The following NTF3 variants were observed in gnomAD, a reference collection of about 807,000 sequenced individuals.
NTF3 encodes the protein neurotrophin 3, also known as neurotrophin-3.
A neutral mutation model predicts 26.3 loss-of-function variants in NTF3; 8 were observed. The observed-to-expected ratio is 0.30, with a 90% confidence interval of 0.18 to 0.55. The LOEUF is 0.55. Among genes scored for constraint, NTF3 ranks in the 20% least tolerant of loss-of-function variants. The pLI is 0.93. For missense variants in NTF3, 276 were observed against 352.9 expected, an observed-to-expected ratio of 0.78 and a Z score of 1.75; for synonymous variants, 154 against 145.5, an observed-to-expected ratio of 1.06 and a Z score of -0.42.
chr12:5,481,681 G>C (rs1219114870), intron 1 of NTF3, among the ~76,000 whole-genome samples: 1 of 110,952 alleles, frequency 9.0e-6, no homozygotes, highest in African/African-American at 3.5e-5. Flanking sequence ...CACATGTATA[G>C]ACATACACCA....
chr12:5,478,481 G>A (rs1024292812), intron 1 of NTF3, among the ~76,000 whole-genome samples: 60 of 152,060 alleles, frequency 3.9e-4, no homozygotes, highest in African/African-American at 1.3e-3. Context: ...AGGGATCCCC[G>A]CCCCAGCAGC....
chr12:5,486,536 TG>T (rs555265383), intron 1 of NTF3, among the ~76,000 whole-genome samples: 86 of 152,334 alleles, frequency 5.6e-4, no homozygotes, highest in African/African-American at 2.0e-3. Context: ...CACTTACAGT[TG>T]TATAGCATTT....
rs1420988569 is a variant in NTF3 at position 5,432,573 on chromosome 12, ACACACAC to A, written c.18+232_18+238del. On this transcript the variant is annotated intron_variant, in intron 1 of 1. Coordinates refer to ENST00000423158, the MANE Select transcript of NTF3 (RefSeq NM_001102654.2). ...CACCCCGCTACACACACACACACAC[ACACACAC>A]ACACACACACACACACACACACACA... 1.8e-4 allele frequency among the ~76,000 whole-genome samples: 26 copies of A among 147,266 alleles called. No homozygotes were observed. The East Asian group carries it at 4.0e-3, about 23-fold the overall frequency.
chr12:5,459,023 G>A (rs193142880), intron 1 of NTF3, among the ~76,000 whole-genome samples: 55 of 152,300 alleles, frequency 3.6e-4, no homozygotes, highest in African/African-American at 1.3e-3. Context: ...CTAGAACTGG[G>A]GGCCGGGCAG....
At chr12:5,477,403 A>C (rs1041977746) in intron 1 of NTF3, among the ~76,000 whole-genome samples, 21 of 152,248 alleles carry the variant, frequency 1.4e-4, no homozygotes, top group African/African-American at 5.1e-4. Context: ...TCATTTGGCT[A>C]TAAAACCTAA....
At chr12:5,445,164 A>G (rs148466662) in intron 1 of NTF3, among the ~76,000 whole-genome samples, 200 of 152,294 alleles carry the variant, frequency 1.3e-3, no homozygotes, top group African/African-American at 4.6e-3. Context: ...GGCTGCTTGC[A>G]TGGAAGACCT....
intron 1 of NTF3, among the ~76,000 whole-genome samples, chr12:5,482,159 C>T (rs56097326): frequency 0.13 from 19,938 of 152,068 alleles, 1,683 homozygotes; most frequent in Non-Finnish European, 0.19. Context: ...GTTGTGTGCT[C>T]ATGCGTACAC....
chr12:5,470,011 G>A (rs1249219194), intron 1 of NTF3, among the ~76,000 whole-genome samples: 3 of 152,104 alleles, frequency 2.0e-5, no homozygotes, highest in Non-Finnish European at 2.9e-5. Context: ...TGCAAGCTCC[G>A]CCTCCCGGGT....
At position 5,433,787 on chromosome 12, in the gene NTF3, G is replaced by C. The variant is rs1319712160; in HGVS notation, c.18+1445G>C. Among the ~76,000 whole-genome samples the C allele has an allele frequency of 6.6e-6, 1 of 151,984 alleles. No individual in the cohort carries two copies. Among genetic ancestry groups the C allele is most frequent in the African/African-American group, 2.4e-5 (1 of 41,382 alleles). Reference sequence around the variant, plus strand: ...CCCGGGAGCGCCGGGCTCAGAGCTAGAGAGCTCGGGAGACTGTGCGCCTGT... The same window carrying C: ...CCCGGGAGCGCCGGGCTCAGAGCTACAGAGCTCGGGAGACTGTGCGCCTGT... On this transcript the variant is annotated intron_variant, in intron 1 of 1. Coordinates refer to ENST00000423158, the MANE Select transcript of NTF3 (RefSeq NM_001102654.2). The surrounding 1 kb of genome is among the most constrained non-coding windows in gnomAD (Gnocchi z 4.6).
chr12:5,453,296 C>T (rs2121173340), intron 1 of NTF3, among the ~76,000 whole-genome samples: 1 of 152,302 alleles, frequency 6.6e-6, no homozygotes, highest in South Asian at 2.1e-4. Context: ...GTGTGACTTA[C>T]TGCAAAGTCT....
At chr12:5,483,280 C>T (rs553402645) in intron 1 of NTF3, among the ~76,000 whole-genome samples, 7 of 152,276 alleles carry the variant, frequency 4.6e-5, no homozygotes, top group South Asian at 2.1e-4. Flanking sequence ...CTTCACCTTT[C>T]TGTTTCGCCA....
intron 1 of NTF3, among the ~76,000 whole-genome samples, chr12:5,479,506 G>A (rs7134801): frequency 0.14 from 20,752 of 152,214 alleles, 1,755 homozygotes; most frequent in Middle Eastern, 0.19. Flanking sequence ...CCACCCTGCT[G>A]GGCTCTAGGA....
At chr12:5,484,536 C>T (rs1242819055) in intron 1 of NTF3, among the ~76,000 whole-genome samples, 1 of 152,006 alleles carries the variant, frequency 6.6e-6, no homozygotes, top group Admixed American at 6.6e-5. Context: ...TCTTTATGGG[C>T]ACATGTGTGG....
At chr12:5,439,903 C>A (rs573419019) in intron 1 of NTF3, among the ~76,000 whole-genome samples, 2 of 152,268 alleles carry the variant, frequency 1.3e-5, no homozygotes, top group Non-Finnish European at 2.9e-5. Context: ...AGGTTTCTTG[C>A]TGGGAGGTTG....
intron 1 of NTF3, among the ~76,000 whole-genome samples, chr12:5,447,864 A>G (rs1044289012): frequency 2.6e-5 from 4 of 152,230 alleles, no homozygotes; most frequent in Non-Finnish European, 5.9e-5. Context: ...GAAATGTTAC[A>G]GCGCTGGCTT....
intron 1 of NTF3, among the ~76,000 whole-genome samples, chr12:5,449,700 G>A (rs886558722): frequency 1.3e-5 from 2 of 152,180 alleles, no homozygotes; most frequent in African/African-American, 4.8e-5. Flanking sequence ...GGTGTCAAGT[G>A]CAGACAAATC....
chr12:5,468,423 A>G (rs1019615077), intron 1 of NTF3, among the ~76,000 whole-genome samples: 2 of 152,108 alleles, frequency 1.3e-5, no homozygotes, highest in African/African-American at 2.4e-5. Flanking sequence ...CTAGTTATCA[A>G]ATGAGGGCAG....
chr12:5,446,964 G>C (rs1940314355), intron 1 of NTF3, among the ~76,000 whole-genome samples: 1 of 152,238 alleles, frequency 6.6e-6, no homozygotes, highest in African/African-American at 2.4e-5. Flanking sequence ...ATGATCTGCA[G>C]AGGTGGGCAG....
chr12:5,452,825 G>T (rs1157280141), intron 1 of NTF3, among the ~76,000 whole-genome samples: 1 of 152,134 alleles, frequency 6.6e-6, no homozygotes, highest in African/African-American at 2.4e-5. Flanking sequence ...GATCCTCTAA[G>T]CATATGTGCT....
Sources: allele counts gnomAD v4.1 joint callset (sites outside exome capture counted in the v4.1 genomes callset), GRCh38; gene constraint gnomAD v4.1.1; non-coding constraint Gnocchi (gnomAD v3.1); transcripts MANE v1.5; gene names NCBI Gene and HGNC (gene_info 2026-07-23, HGNC 2026-07-21).